HSF2BP: variants seen among roughly 807,000 people sequenced by gnomAD.
HSF2BP encodes heat shock transcription factor 2 binding protein.
In HSF2BP, 35 loss-of-function variants were observed where a neutral mutation model predicts 35.0. That is an observed-to-expected ratio of 1.00 (90% confidence interval 0.76 to 1.32). The LOEUF (loss-of-function observed/expected upper bound fraction) is 1.32. HSF2BP is among the 40% of genes most tolerant of loss of function. The pLI is 0.00. For missense variants in HSF2BP, 326 were observed against 321.7 expected (o/e 1.01, Z -0.10); for synonymous variants, 114 against 117.4 (o/e 0.97, Z 0.18).
At chr21:43,631,287 T>C (rs34765222) in intron 5 of HSF2BP, among the ~76,000 whole-genome samples, 8,030 of 152,290 alleles carry the variant, frequency 0.053, 301 homozygotes, top group Non-Finnish European at 0.081. Context: ...TTCACCTTCA[T>C]TTCCAGTCAT....
intron 3 of HSF2BP, among the ~76,000 whole-genome samples, chr21:43,653,109 CT>C (rs1477905321): frequency 6.6e-6 from 1 of 151,108 alleles, no homozygotes; most frequent in African/African-American, 2.4e-5. Flanking sequence ...TGCCACTGCA[CT>C]CAAGCCTGGG....
chr21:43,618,924 G>A (rs1305060199), intron 6 of HSF2BP, among the ~76,000 whole-genome samples: 7 of 150,072 alleles, frequency 4.7e-5, no homozygotes, highest in East Asian at 3.9e-4. Flanking sequence ...CAGCCTGAGC[G>A]ACAGAGCAAG....
chr21:43,650,427 G>A (rs894840216), intron 3 of HSF2BP, among the ~76,000 whole-genome samples: 5 of 151,916 alleles, frequency 3.3e-5, no homozygotes, highest in Non-Finnish European at 5.9e-5. Context: ...GGATGGTCTC[G>A]ATCTCCTGAC....
At chr21:43,611,667 C>A (rs773014360) in intron 7 of HSF2BP, among the ~76,000 whole-genome samples, 1 of 152,200 alleles carries the variant, frequency 6.6e-6, no homozygotes, top group Non-Finnish European at 1.5e-5. Context: ...AGCAACCAAG[C>A]ACGGTAGCAG....
At chr21:43,595,726 ATTTTTTTTTTTTTTTTTTT>A (rs770855952) in intron 7 of HSF2BP, among the ~76,000 whole-genome samples, 7 of 58,450 alleles carry the variant, frequency 1.2e-4, no homozygotes, top group Non-Finnish European at 1.5e-4. Flanking sequence ...TAAGAGGCTA[ATTTTTTTTTTTTTTTTTTT>A]TTTTTTTTTT....
chr21:43,602,001 G>A (rs548845494), intron 7 of HSF2BP, among the ~76,000 whole-genome samples: 5 of 152,242 alleles, frequency 3.3e-5, no homozygotes, highest in African/African-American at 1.2e-4. Context: ...AAGGGATCGG[G>A]CCACCAAAAT....
intron 6 of HSF2BP, among the ~76,000 whole-genome samples, chr21:43,619,174 C>G (rs1458844855): frequency 6.6e-6 from 1 of 151,970 alleles, no homozygotes; most frequent in African/African-American, 2.4e-5. Flanking sequence ...GCTGGGAAAC[C>G]AAAAAATTCA....
At position 43,643,907 on chromosome 21, in the gene HSF2BP, AT is replaced by A. The variant is rs577926771; in HGVS notation, c.291+381del. On this transcript the variant is annotated intron_variant, in intron 4 of 8. Coordinates refer to ENST00000291560, the MANE Select transcript of HSF2BP (RefSeq NM_007031.2). ...GAGGCGGAGCTTGCAGTGAGCCGAG[AT>A]TGCACCACTGCACTCCAGCCTGGGC... Among the ~76,000 whole-genome samples the A allele has an allele frequency of 1.2e-3, 187 of 151,780 alleles. 1 individual carries two copies. The highest frequency in any genetic ancestry group is 4.0e-3 in the South Asian group (19 of 4,810).
At chr21:43,613,998 A>T in intron 6 of HSF2BP, 51 bp from the exon 7 acceptor site, 1 of 1,329,448 alleles carries the variant, frequency 7.5e-7, no homozygotes. Context: ...CTCAGAACCT[A>T]GACAATTTTG....
At chr21:43,622,620 T>G (rs1011464222) in intron 6 of HSF2BP, among the ~76,000 whole-genome samples, 1 of 152,128 alleles carries the variant, frequency 6.6e-6, no homozygotes, top group Admixed American at 6.5e-5. Flanking sequence ...CTAGAGGATA[T>G]AACAATTGTA....
At position 43,587,665 on chromosome 21, in the gene HSF2BP, C is replaced by CA. The variant is rs11292342; in HGVS notation, c.796+4559dup. On this transcript the variant is annotated intron_variant, in intron 8 of 8. Transcript: ENST00000291560. ...GGACAACAAAAGCGAAATTCTGTCT[C>CA]AAAAAAAAAAAAAAAAAAAAAGGAA... Among the ~76,000 whole-genome samples, 554 of 78,948 alleles carry CA rather than the reference C, an allele frequency of 7.0e-3. 7 individuals are homozygous for CA. Among genetic ancestry groups the CA allele is most frequent in the African/African-American group, 0.02 (392 of 19,620 alleles). 51.8% of individuals were successfully genotyped at this position (78,948 alleles called of 152,430 possible).
intron 7 of HSF2BP, among the ~76,000 whole-genome samples, chr21:43,599,761 T>TAC (rs988411532): frequency 6.7e-6 from 1 of 148,886 alleles, no homozygotes; most frequent in Admixed American, 6.8e-5. Flanking sequence ...ACCACTGTAC[T>TAC]ACAGCCTGGG....
chr21:43,581,228 T>A (rs1361504180), intron 8 of HSF2BP, among the ~76,000 whole-genome samples: 1 of 151,660 alleles, frequency 6.6e-6, no homozygotes, highest in Non-Finnish European at 1.5e-5. Context: ...CTACTAAAAA[T>A]ACGAAAAATT....
intron 5 of HSF2BP, among the ~76,000 whole-genome samples, chr21:43,631,343 C>T (rs1248275455): frequency 1.3e-5 from 2 of 152,044 alleles, no homozygotes; most frequent in Admixed American, 1.3e-4. Context: ...TTTTTGGCTC[C>T]TCTTGTCCCC....
chr21:43,624,026 G>A (rs993035501), intron 6 of HSF2BP, among the ~76,000 whole-genome samples: 6 of 152,180 alleles, frequency 3.9e-5, no homozygotes, highest in Admixed American at 3.3e-4. Flanking sequence ...AAGACATGGG[G>A]AAAGGGAGCC....
chr21:43,601,552 C>A (rs1473255957), intron 7 of HSF2BP, among the ~76,000 whole-genome samples: 1 of 152,090 alleles, frequency 6.6e-6, no homozygotes, highest in East Asian at 1.9e-4. Flanking sequence ...AAAATGTACA[C>A]AGAATGACCA....
intron 7 of HSF2BP, among the ~76,000 whole-genome samples, chr21:43,604,846 ACACACACCACACC>A (rs1386191594): frequency 4.1e-5 from 6 of 144,994 alleles, no homozygotes; most frequent in African/African-American, 1.3e-4. Context: ...ACCACACATC[ACACACACCACACC>A]CACACACCAC....
chr21:43,644,184 G>A, intron 4 of HSF2BP, 105 bp downstream of exon 4: 1 of 723,042 alleles, frequency 1.4e-6, no homozygotes, highest in Admixed American at 2.5e-5. Context: ...ACAATTTATT[G>A]AGGATTAAGA....
At chr21:43,457,807 C>A in the HSF2BP span, among the ~76,000 whole-genome samples, 2 of 6,870 alleles carry the variant, frequency 2.9e-4, no homozygotes, top group Non-Finnish European at 5.9e-4. Flanking sequence ...CCTTTCCACC[C>A]TGTCCATGTG....
Sources: gnomAD v4.1 joint callset for allele counts (sites outside exome capture counted in the v4.1 genomes callset) on GRCh38, gnomAD v4.1.1 for gene constraint, MANE v1.5 for transcripts, NCBI Gene and HGNC (gene_info 2026-07-23, HGNC 2026-07-21) for gene names.